Variants in FRMD4A observed in about 807,000 individuals in gnomAD.
FRMD4A encodes the protein FERM domain-containing protein 4A.
FRMD4A carries 29 observed loss-of-function variants against 129.1 expected under a neutral mutation model. The observed-to-expected ratio is 0.22, with a 90% CI of 0.17 to 0.31. The LOEUF (loss-of-function observed/expected upper bound fraction) is 0.31, where lower values mean the gene tolerates loss of function less well. Ranked by LOEUF, FRMD4A falls within the 10% of genes least tolerant of loss-of-function variation. The pLI, the probability that FRMD4A is intolerant of heterozygous loss-of-function variation, is 1.00. For synonymous variants in FRMD4A, 634 were observed against 571.6 expected, an observed-to-expected ratio of 1.11 and a Z score of -1.56; for missense variants, 1,272 against 1,375.8, an observed-to-expected ratio of 0.92 and a Z score of 1.19.
intron 9 of FRMD4A, among the ~76,000 whole-genome samples, chr10:13,744,987 T>C (rs531135737): frequency 1.2e-4 from 18 of 152,236 alleles, no homozygotes; most frequent in Non-Finnish European, 2.1e-4. Flanking sequence ...GAATATGTTC[T>C]AGCATTTGAT....
chr10:14,166,470 G>C (rs1841182084), intron 2 of FRMD4A, among the ~76,000 whole-genome samples: 1 of 152,124 alleles, frequency 6.6e-6, no homozygotes, highest in South Asian at 2.1e-4. Flanking sequence ...AGTCAGCACA[G>C]CTTTGTTTTA....
At chr10:14,090,745 C>T (rs913467875) in intron 2 of FRMD4A, among the ~76,000 whole-genome samples, 3 of 152,208 alleles carry the variant, frequency 2.0e-5, no homozygotes, top group Non-Finnish European at 2.9e-5. Context: ...TGCAACAAAT[C>T]TTTCTGCCGT....
rs527747366 is a variant in FRMD4A at position 14,087,397 on chromosome 10, A to C, written c.46-228485T>G. ...TATAAAATATATATTAATTCTATTT[A>C]ATTCCAAGCATTGGGTTGAGAAGGA... On this transcript the variant is annotated intron_variant, in intron 2 of 24. Transcript: ENST00000357447. 5.3e-4 allele frequency: 80 copies of C among 149,964 alleles called. 1 individual carries two copies. The highest frequency in any genetic ancestry group is 3.9e-3 in the Admixed American group (58 of 15,020). The allele number at this position is 149,964 out of a possible 1,614,324, so 9.3% of individuals were successfully genotyped here.
intron 3 of FRMD4A, among the ~76,000 whole-genome samples, chr10:13,828,510 A>G (rs548892272): frequency 6.9e-6 from 1 of 144,868 alleles, no homozygotes; most frequent in East Asian, 2.1e-4. Flanking sequence ...GTATATGTAT[A>G]CCATGTTTTC....
At chr10:13,894,305 C>T (rs183216751) in intron 2 of FRMD4A, among the ~76,000 whole-genome samples, 164 of 152,312 alleles carry the variant, frequency 1.1e-3, no homozygotes, top group African/African-American at 3.7e-3. Context: ...CCGTAACTTT[C>T]GCTAAAAACC....
intron 2 of FRMD4A, among the ~76,000 whole-genome samples, chr10:14,252,506 G>C (rs987770136): frequency 3.3e-5 from 5 of 152,156 alleles, no homozygotes; most frequent in Non-Finnish European, 5.9e-5. Flanking sequence ...AAGCATTTTG[G>C]AGAATATGCC....
At chr10:13,740,322 G>A in intron 10 of FRMD4A, 71 bp from the exon 11 acceptor site, 1 of 1,052,228 alleles carries the variant, frequency 9.5e-7, no homozygotes, top group Non-Finnish European at 1.5e-6. Flanking sequence ...AGCAGATCTG[G>A]TATCATATAT....
chr10:13,767,812 C>A (rs879533232), intron 6 of FRMD4A, among the ~76,000 whole-genome samples: 1 of 152,080 alleles, frequency 6.6e-6, no homozygotes, highest in African/African-American at 2.4e-5. Context: ...CGTGCTCTTG[C>A]GGCCATTGGA....
At chr10:14,294,202 A>T (rs1394027270) in intron 2 of FRMD4A, among the ~76,000 whole-genome samples, 2 of 152,140 alleles carry the variant, frequency 1.3e-5, no homozygotes, top group Non-Finnish European at 2.9e-5. Flanking sequence ...CTTCTTCTTT[A>T]TACTAGCCAT....
At chr10:13,995,709 C>A (rs951603501) in intron 2 of FRMD4A, among the ~76,000 whole-genome samples, 1 of 152,190 alleles carries the variant, frequency 6.6e-6, no homozygotes, top group Non-Finnish European at 1.5e-5. Context: ...AGGTTCTGCT[C>A]GTTGACAATT....
At chr10:13,745,473 C>T (rs12268807) in intron 9 of FRMD4A, among the ~76,000 whole-genome samples, 4,360 of 152,202 alleles carry the variant, frequency 0.029, 205 homozygotes, top group African/African-American at 0.099. Flanking sequence ...TCAGGGAAAG[C>T]GCTGGCCTGG....
chr10:13,675,082 G>T (rs1356835268), intron 15 of FRMD4A, 38 bp from the exon 16 acceptor site: 16 of 1,590,282 alleles, frequency 1.0e-5, no homozygotes, highest in Non-Finnish European at 1.4e-5. Flanking sequence ...CCAGCTGACA[G>T]GGGACACACA....
chr10:14,118,764 G>A (rs370478613), intron 2 of FRMD4A, among the ~76,000 whole-genome samples: 3 of 152,186 alleles, frequency 2.0e-5, no homozygotes, highest in African/African-American at 7.2e-5. Flanking sequence ...AGAACAGTAC[G>A]GGGGAAACTG....
chr10:13,803,856 A>G lies in FRMD4A; in HGVS notation c.206+6958T>C, dbSNP rs753814909. ...TAGGTTCAGGGACTGCTGTGTAGAC[A>G]CAGCTCCCATCCTAAGCAAACAGTC... On this transcript the variant is annotated intron_variant, in intron 4 of 24. Transcript: ENST00000357447. Among the ~76,000 whole-genome samples, 813 of 152,312 alleles carry G rather than the reference A, an allele frequency of 5.3e-3. 5 individuals are homozygous for G. Among genetic ancestry groups the G allele is most frequent in the Non-Finnish European group, 7.5e-3 (508 of 68,028 alleles).
chr10:14,158,775 A>G (rs1253243294), intron 2 of FRMD4A, among the ~76,000 whole-genome samples: 1 of 150,680 alleles, frequency 6.6e-6, no homozygotes, highest in Non-Finnish European at 1.5e-5. Context: ...GAGGAAGAAG[A>G]GGAAGAGGAG....
At chr10:13,737,273 A>G (rs2090687364) in intron 12 of FRMD4A, among the ~76,000 whole-genome samples, 1 of 152,180 alleles carries the variant, frequency 6.6e-6, no homozygotes, top group Non-Finnish European at 1.5e-5. Flanking sequence ...TATTTTTAGT[A>G]GAGAGAGGGT....
At chr10:14,154,641 C>T (rs989686325) in intron 2 of FRMD4A, among the ~76,000 whole-genome samples, 1 of 152,166 alleles carries the variant, frequency 6.6e-6, no homozygotes, top group African/African-American at 2.4e-5. Context: ...TATTGCTTTA[C>T]CCTGATATTG....
chr10:14,084,643 A>G (rs1836150037), intron 2 of FRMD4A, among the ~76,000 whole-genome samples: 1 of 151,888 alleles, frequency 6.6e-6, no homozygotes, highest in Non-Finnish European at 1.5e-5. Context: ...CAGAGTTCAT[A>G]CTCCTACCTG....
chr10:13,660,636 G>C, intron 19 of FRMD4A, 83 bp from the exon 20 acceptor site: 1 of 795,280 alleles, frequency 1.3e-6, no homozygotes, highest in East Asian at 2.5e-5. Flanking sequence ...CCCTCCACCC[G>C]CACCTTGGAG....
Sources: gnomAD v4.1 joint callset for allele counts (sites outside exome capture counted in the v4.1 genomes callset) on GRCh38, gnomAD v4.1.1 for gene constraint, MANE v1.5 for transcripts, NCBI Gene and HGNC (gene_info 2026-07-23, HGNC 2026-07-21) for gene names.